SGCD: variants seen among roughly 807,000 people sequenced by gnomAD.
SGCD encodes sarcoglycan delta, also known as delta-sarcoglycan.
A neutral mutation model predicts 36.6 loss-of-function variants in SGCD; 18 were observed. That is an observed-to-expected ratio of 0.49 (90% confidence interval 0.34 to 0.73). The LOEUF (loss-of-function observed/expected upper bound fraction) is 0.73. Among genes scored for constraint, SGCD ranks in the 30% least tolerant of loss-of-function variants. The pLI is 0.01. For synonymous variants in SGCD, 133 were observed against 130.6 expected (o/e 1.02, Z -0.12); for missense variants, 387 against 346.7 (o/e 1.12, Z -0.92).
chr5:156,467,207 C>T (rs964856153), intron 3 of SGCD, among the ~76,000 whole-genome samples: 1 of 152,166 alleles, frequency 6.6e-6, no homozygotes, highest in Non-Finnish European at 1.5e-5. Flanking sequence ...TGGCTCCTAA[C>T]TTAACACTAA....
chr5:156,544,599 T>G (rs1344751741), intron 4 of SGCD, among the ~76,000 whole-genome samples: 1 of 151,580 alleles, frequency 6.6e-6, no homozygotes, highest in Non-Finnish European at 1.5e-5. Context: ...AAGGTAGGGT[T>G]TTTTTAGAAG....
the SGCD span, among the ~76,000 whole-genome samples, chr5:155,739,002 G>C: frequency 2.6e-5 from 4 of 152,002 alleles, no homozygotes; most frequent in South Asian, 4.1e-4. Flanking sequence ...GCCAGGGAAG[G>C]CTTCACTAAA....
chr5:155,753,334 T>TCAAAAAA, the SGCD span, among the ~76,000 whole-genome samples: 1 of 135,838 alleles, frequency 7.4e-6, no homozygotes, highest in African/African-American at 3.5e-5. Flanking sequence ...AGACTTTGTC[T>TCAAAAAA]AAAAAAAAAA....
rs560657299 is a variant in SGCD at position 156,255,905 on chromosome 5, A to T, written c.-43-73629A>T. Among the ~76,000 whole-genome samples, 81 of 151,884 alleles carry T rather than the reference A, an allele frequency of 5.3e-4. 1 individual carries two copies. The Middle Eastern group carries it at 0.024, about 45-fold the overall frequency. On this transcript the variant is annotated intron_variant, in intron 3 of 9. Transcript: ENST00000517913. ...TTTCTTTGTTTTACATCTTTTTTCT[A>T]AACTTGTAAGCTGGACACTTAGTTC...
intron 1 of SGCD, among the ~76,000 whole-genome samples, chr5:156,023,587 T>A (rs528198380): frequency 6.6e-6 from 1 of 152,202 alleles, no homozygotes; most frequent in Non-Finnish European, 1.5e-5. Context: ...GTCACTTCTC[T>A]CAAGTAACTT....
At chr5:156,112,258 G>A (rs866972179) in intron 1 of SGCD, among the ~76,000 whole-genome samples, 2 of 152,252 alleles carry the variant, frequency 1.3e-5, no homozygotes, top group South Asian at 2.1e-4. Flanking sequence ...GGCACCAGAT[G>A]GCTAAGAACA....
intron 1 of SGCD, among the ~76,000 whole-genome samples, chr5:155,944,053 T>C (rs1757389589): frequency 6.6e-6 from 1 of 152,186 alleles, no homozygotes; most frequent in Admixed American, 6.5e-5. Flanking sequence ...TGCAAGTATT[T>C]GAAGATAGTT....
chr5:155,961,823 AT>A, intron 1 of SGCD, among the ~76,000 whole-genome samples: 1 of 152,218 alleles, frequency 6.6e-6, no homozygotes, highest in East Asian at 1.9e-4. Flanking sequence ...GAGAAAAGTA[AT>A]TTTTAAAAAA....
At chr5:156,493,816 G>A (rs1019286977) in intron 3 of SGCD, among the ~76,000 whole-genome samples, 4 of 152,208 alleles carry the variant, frequency 2.6e-5, no homozygotes, top group South Asian at 2.1e-4. Flanking sequence ...TCAGTAGGTT[G>A]TAATATTGAG....
chr5:155,972,465 AT>A (rs1758025592), intron 1 of SGCD, among the ~76,000 whole-genome samples: 1 of 152,132 alleles, frequency 6.6e-6, no homozygotes, highest in African/African-American at 2.4e-5. Context: ...ACTACATGGT[AT>A]TTTACTTAAA....
At chr5:156,723,964 G>A (rs1056937485) in intron 7 of SGCD, among the ~76,000 whole-genome samples, 23 of 152,218 alleles carry the variant, frequency 1.5e-4, no homozygotes, top group South Asian at 4.2e-4. Flanking sequence ...AAGGGAGCAC[G>A]GTGAAAATAG....
chr5:156,176,854 A>T (rs919835023), intron 3 of SGCD, among the ~76,000 whole-genome samples: 26 of 152,184 alleles, frequency 1.7e-4, no homozygotes, highest in African/African-American at 6.0e-4. Context: ...CAGTTTTGGA[A>T]AATTACAAAG....
chr5:156,230,528 A>C (rs1315654591), intron 3 of SGCD, among the ~76,000 whole-genome samples: 1 of 152,118 alleles, frequency 6.6e-6, no homozygotes, highest in Non-Finnish European at 1.5e-5. Context: ...CCTGTGAACC[A>C]TCTGTGGGTC....
the SGCD span, among the ~76,000 whole-genome samples, chr5:155,758,001 A>G: frequency 6.6e-6 from 1 of 152,048 alleles, no homozygotes; most frequent in Non-Finnish European, 1.5e-5. Flanking sequence ...GCCTTCTGCC[A>G]TTATTGTGAG....
chr5:156,057,787 T>C (rs1454229359), intron 1 of SGCD, among the ~76,000 whole-genome samples: 2 of 146,214 alleles, frequency 1.4e-5, no homozygotes, highest in African/African-American at 4.9e-5. Flanking sequence ...GCCATAATGA[T>C]TGGAAAACAT....
chr5:156,076,689 T>C (rs1760793516), intron 1 of SGCD, among the ~76,000 whole-genome samples: 1 of 152,210 alleles, frequency 6.6e-6, no homozygotes, highest in Non-Finnish European at 1.5e-5. Context: ...CACCATCAGG[T>C]ATTTTAATTT....
At chr5:155,957,156 T>C (rs737306) in intron 1 of SGCD, among the ~76,000 whole-genome samples, 92,598 of 151,618 alleles carry the variant, frequency 0.61, 28,750 homozygotes, top group African/African-American at 0.7. Flanking sequence ...AAAGAGAGAG[T>C]CTTGCATGTG....
intron 1 of SGCD, among the ~76,000 whole-genome samples, chr5:156,045,574 A>G (rs1407669709): frequency 6.6e-6 from 1 of 152,154 alleles, no homozygotes; most frequent in Non-Finnish European, 1.5e-5. Flanking sequence ...TGTGTGGTTT[A>G]AACAACAAAA....
intron 3 of SGCD, among the ~76,000 whole-genome samples, chr5:156,272,649 CT>C (rs1449972593): frequency 6.6e-6 from 1 of 152,144 alleles, no homozygotes; most frequent in African/African-American, 2.4e-5. Flanking sequence ...AGAACTAAGC[CT>C]TCTTGCTGTC....
Sources: gnomAD v4.1 joint callset for allele counts (sites outside exome capture counted in the v4.1 genomes callset) on GRCh38, gnomAD v4.1.1 for gene constraint, MANE v1.5 for transcripts, NCBI Gene and HGNC (gene_info 2026-07-23, HGNC 2026-07-21) for gene names.